Variants in CD163 observed in about 807,000 individuals in gnomAD.
CD163 encodes scavenger receptor cysteine-rich type 1 protein M130.
CD163 carries 64 observed loss-of-function variants against 129.2 expected under a neutral mutation model. The ratio of observed to expected loss-of-function variants is 0.50; its 90% CI spans 0.41 to 0.61. The LOEUF is 0.61. CD163 is among the 20% of genes least tolerant of loss of function. CD163 has a pLI of 0.00. For synonymous variants in CD163, 446 were observed against 478.5 expected, an observed-to-expected ratio of 0.93 and a Z score of 0.89; for missense variants, 1,061 against 1,377.9, an observed-to-expected ratio of 0.77 and a Z score of 3.64.
At position 7,484,631 on chromosome 12, in the gene CD163, C is replaced by T. The variant is rs1949222055; in HGVS notation, c.2779+465G>A. ...TCCAGCCTGGGGAACAAGAGCAAAA[C>T]TCTGTCTCAAAAAAAAAAAAAAAAA... On this transcript the variant is annotated intron_variant, in intron 11 of 16. Transcript: ENST00000432237. Among the ~76,000 whole-genome samples the T allele has an allele frequency of 1.2e-4, 14 of 118,742 alleles. No individual in the cohort carries two copies. The South Asian group carries it at 4.1e-3, about 35-fold the overall frequency. The allele number at this position is 118,742 out of a possible 152,430, so 77.9% of individuals were successfully genotyped here. A position where few individuals can be genotyped will look rare whatever the true frequency, so the allele number is the denominator to read the frequency against.
At chr12:7,476,064 A>G (rs987355803) in intron 16 of CD163, among the ~76,000 whole-genome samples, 4 of 152,302 alleles carry the variant, frequency 2.6e-5, no homozygotes, top group East Asian at 1.9e-4. Flanking sequence ...AGAACTACCA[A>G]CCAGTGCTCA....
At position 7,481,217 on chromosome 12, in the gene CD163, T is replaced by C; in HGVS notation, c.3287A>G (p.Tyr1096Cys). Residue 1096 changes from tyrosine to cysteine, a missense_variant, in exon 15 of 17, where the codon TAC becomes TGC. By Grantham distance (194) the Tyr-to-Cys change is radical (BLOSUM62 -2). Coordinates refer to ENST00000432237, the MANE Select transcript of CD163 (RefSeq NM_203416.4). ...RGENLVHQIQ[Y>C]REMNSCLNAD... ...ATTCAGGCAAGAATTCATCTCCCGG[T>C]ATTGAATTTGGTGGACTAAGTTCTC... 5 of 1,613,840 alleles carry C rather than the reference T, an allele frequency of 3.1e-6. No homozygotes were observed. The highest frequency in any genetic ancestry group is 4.2e-6 in the Non-Finnish European group (5 of 1,179,818).
chr12:7,492,666 A>C (rs6488345), intron 6 of CD163, among the ~76,000 whole-genome samples: 90,458 of 151,950 alleles, frequency 0.6, 31,433 homozygotes, highest in Non-Finnish European at 0.77. Flanking sequence ...TTCAGACTAC[A>C]AGCAGTCAGA....
intron 16 of CD163, among the ~76,000 whole-genome samples, chr12:7,478,270 T>G (rs995096946): frequency 1.3e-5 from 2 of 152,190 alleles, no homozygotes; most frequent in Admixed American, 6.5e-5. Context: ...TAATAGAAAC[T>G]GCCAGATTGC....
chr12:7,486,867 T>A (rs1263106998), intron 9 of CD163, 27 bp downstream of exon 9: 1 of 1,607,238 alleles, frequency 6.2e-7, no homozygotes, highest in East Asian at 2.2e-5. Context: ...TTATTAATAT[T>A]TTCATAGATT....
rs768791323 is a variant in CD163, at chr12:7,499,085, G to A, written c.561C>T (p.Asn187=). Residue 187 remains asparagine (N), a synonymous_variant, in exon 4 of 17, where the codon AAC becomes AAT. Coordinates refer to ENST00000432237, the MANE Select transcript of CD163 (RefSeq NM_203416.4). ...QGRWGTVCDD[N]FNIDHASVIC... ...TGACAGATGCATGATCTATGTTGAA[G>A]TTATCATCACACACTGTTCCCCACC... 2.5e-6 allele frequency: 4 copies of A among 1,614,010 alleles called. No homozygotes were observed. The South Asian group carries it at 4.4e-5, about 18-fold the overall frequency.
rs930408582 is a variant in CD163, at chr12:7,471,768, G to A, written c.*32-371C>T. ...GAACCTTTCACTCCCCTGGAAAGGG[G>A]GCTGAAGCAAGGGAGCCAAGTGGTC... On this transcript the variant is annotated intron_variant, in intron 16 of 16. Transcript: ENST00000432237. 5 of 152,272 alleles carry A rather than the reference G, an allele frequency of 3.3e-5. No homozygotes were observed. In the South Asian group the frequency reaches 6.2e-4, roughly 19 times the overall value. The allele number at this position is 152,272 out of a possible 1,614,324, so 9.4% of individuals were successfully genotyped here.
Position 7,497,179 on chromosome 12 carries a change from A to G in CD163, c.779-46T>C, listed in dbSNP as rs766869218. On this transcript the variant is annotated intron_variant, in intron 4 of 16. Coordinates refer to ENST00000432237, the MANE Select transcript of CD163 (RefSeq NM_203416.4). The stretch of plus-strand genomic sequence containing the variant: ...AGGTCTGCGATAAGGAAGCAAGAAC[A>G]TGAGACTATAAATAGCTATACCTGA... 3.0e-4 allele frequency: 443 copies of G among 1,491,024 alleles called. 3 individuals are homozygous for G. In the South Asian group the frequency reaches 4.7e-3, roughly 16 times the overall value. 92.4% of individuals were successfully genotyped at this position (1,491,024 alleles called of 1,614,324 possible). A position where few individuals can be genotyped will look rare whatever the true frequency, so the allele number is the denominator to read the frequency against.
chr12:7,483,841 A>ATATATATATATATATATATATATATTT (rs1442991429), intron 11 of CD163, 166 bp from the exon 12 acceptor site: 2 of 110,030 alleles, frequency 1.8e-5, no homozygotes, highest in African/African-American at 7.6e-5. Context: ...ATATATATAT[A>ATATATATATATATATATATATATATTT]TTTTTTTTTT....
chr12:7,484,236 C>A (rs1197879890), intron 11 of CD163, among the ~76,000 whole-genome samples: 1 of 151,788 alleles, frequency 6.6e-6, no homozygotes, highest in African/African-American at 2.4e-5. Context: ...ATAATGTGAC[C>A]CAGTAAATGT....
intron 4 of CD163, among the ~76,000 whole-genome samples, chr12:7,498,553 G>A (rs779764731): frequency 4.0e-4 from 61 of 152,188 alleles, no homozygotes; most frequent in African/African-American, 1.3e-3. Flanking sequence ...TCCTAGTAAA[G>A]CCCTTCCTTC....
At chr12:7,497,407 T>A (rs749118929) in intron 4 of CD163, among the ~76,000 whole-genome samples, 2 of 152,322 alleles carry the variant, frequency 1.3e-5, no homozygotes, top group Non-Finnish European at 2.9e-5. Context: ...ACCTGCTATT[T>A]GACCACCACA....
intron 3 of CD163, among the ~76,000 whole-genome samples, chr12:7,499,596 C>T (rs1008692227): frequency 6.6e-6 from 1 of 151,904 alleles, no homozygotes; most frequent in African/African-American, 2.4e-5. Context: ...TATAAAACAA[C>T]AGAAAAAAAG....
intron 15 of CD163, chr12:7,480,327 C>A (rs1000846109): frequency 5.0e-6 from 1 of 200,036 alleles, no homozygotes; most frequent in Non-Finnish European, 9.9e-6. Context: ...AGTCATCCTG[C>A]CCAGATGCAG....
At chr12:7,484,847 G>C (rs1949225976) in intron 11 of CD163, among the ~76,000 whole-genome samples, 1 of 152,118 alleles carries the variant, frequency 6.6e-6, no homozygotes, top group Non-Finnish European at 1.5e-5. Flanking sequence ...CTTTCAAGCA[G>C]ACCATGGGGA....
In CD163 at chr12:7,496,096, C is replaced by T. The variant is rs111445713; in HGVS notation, c.1100-695G>A. On this transcript the variant is annotated intron_variant, in intron 5 of 16. Coordinates refer to ENST00000432237, the MANE Select transcript of CD163 (RefSeq NM_203416.4). The surrounding 1 kb of genome is among the most constrained non-coding windows in gnomAD (Gnocchi z 4.8). ...AACCCAAATGCCCATCAATAATAGACTGGATAAAGAAAATGTGGTACATAT... is the reference window on the plus strand; with the variant it reads ...AACCCAAATGCCCATCAATAATAGATTGGATAAAGAAAATGTGGTACATAT... Among the ~76,000 whole-genome samples, 1,584 of 152,260 alleles carry T rather than the reference C, an allele frequency of 0.01. 29 individuals are homozygous for T. Among genetic ancestry groups the T allele is most frequent in the African/African-American group, 0.036 (1,503 of 41,532 alleles).
At chr12:7,479,814 G>A in intron 16 of CD163, 46 bp downstream of exon 16, 2 of 1,585,026 alleles carry the variant, frequency 1.3e-6, no homozygotes, top group Admixed American at 1.8e-5. Context: ...TCCTCAAAAG[G>A]AATGCAGCTG....
At chr12:7,482,525 T>C in intron 14 of CD163, 118 bp downstream of exon 14, 1 of 1,145,194 alleles carries the variant, frequency 8.7e-7, no homozygotes, top group Non-Finnish European at 1.2e-6. Context: ...TTTGAGAAAC[T>C]GCTCAAACCT....
chr12:7,496,960 G>A lies in CD163; in HGVS notation c.952C>T (p.Arg318Ter), dbSNP rs201805567. 5.6e-6 allele frequency: 9 copies of A among 1,613,872 alleles called. No individual in the cohort carries two copies. Among genetic ancestry groups the A allele is most frequent in the Non-Finnish European group, 5.9e-6 (7 of 1,179,986 alleles). Residue 318 changes from arginine (R) to a stop codon, truncating the protein, a stop_gained, in exon 5 of 17, where the codon CGA becomes TGA. Coordinates refer to ENST00000432237, the MANE Select transcript of CD163 (RefSeq NM_203416.4). LOFTEE classifies it high-confidence loss of function. The surrounding 1 kb of genome is among the most constrained non-coding windows in gnomAD (Gnocchi z 4.8). ...GCPTAVTAIG[R>*]VNASKGFGHI... ...CCAAATCCCTTACTGGCGTTAACTCGACCAATGGCTGTGACGGCAGTTGGA... is the reference window on the plus strand; with the variant it reads ...CCAAATCCCTTACTGGCGTTAACTCAACCAATGGCTGTGACGGCAGTTGGA...
Sources: gnomAD v4.1 joint callset for allele counts (sites outside exome capture counted in the v4.1 genomes callset) on GRCh38, gnomAD v4.1.1 for gene constraint, Gnocchi (gnomAD v3.1) non-coding constraint, MANE v1.5 for transcripts, NCBI Gene and HGNC (gene_info 2026-07-23, HGNC 2026-07-21) for gene names.